The following PDSS2 variants were observed in gnomAD, a reference collection of about 807,000 sequenced individuals.
PDSS2 encodes decaprenyl diphosphate synthase subunit 2, also known as all trans-polyprenyl-diphosphate synthase PDSS2.
A neutral mutation model predicts 44.5 loss-of-function variants in PDSS2; 31 were observed. The observed-to-expected ratio is 0.70, with a 90% CI of 0.52 to 0.94. PDSS2 has a LOEUF of 0.94. Ranked by LOEUF, PDSS2 falls within the 40% of genes least tolerant of loss-of-function variation. The probability of loss-of-function intolerance (pLI) is 0.00; values close to 1 mark genes in which losing one functional copy is unlikely to be tolerated. For synonymous variants in PDSS2, 157 were observed against 180.3 expected (o/e 0.87, Z 1.03); for missense variants, 452 against 482.2 (o/e 0.94, Z 0.59).
In PDSS2 at chr6:107,343,620, C is replaced by T. The variant is rs1176420159; in HGVS notation, c.297-9288G>A. On this transcript the variant is annotated intron_variant, in intron 1 of 7. Transcript: ENST00000369037. ...GTTTACTTAATGACATGGGAAAATA[C>T]TAAAAATGTTAAATAAAAGAATACA... Among the ~76,000 whole-genome samples the T allele has an allele frequency of 3.9e-5, 6 of 152,026 alleles. No individual in the cohort carries two copies. The East Asian group carries it at 9.6e-4, about 24-fold the overall frequency.
intron 2 of PDSS2, among the ~76,000 whole-genome samples, chr6:107,316,383 G>A (rs534645592): frequency 6.6e-6 from 1 of 151,912 alleles, no homozygotes; most frequent in South Asian, 2.1e-4. Flanking sequence ...AGGACGGATT[G>A]GTTTAATTCT....
At chr6:107,365,863 T>C (rs1582996432) in intron 1 of PDSS2, among the ~76,000 whole-genome samples, 1 of 152,098 alleles carries the variant, frequency 6.6e-6, no homozygotes, top group Non-Finnish European at 1.5e-5. Flanking sequence ...TTTAAATGTA[T>C]ATATACCTAA....
chr6:107,247,352 C>T (rs1032353269), intron 3 of PDSS2, among the ~76,000 whole-genome samples: 9 of 152,178 alleles, frequency 5.9e-5, no homozygotes, highest in African/African-American at 2.2e-4. Flanking sequence ...CCAGAGTGTT[C>T]CTTTACTTCC....
intron 2 of PDSS2, among the ~76,000 whole-genome samples, chr6:107,283,797 C>T (rs753293079): frequency 2.8e-4 from 43 of 152,060 alleles, no homozygotes; most frequent in Middle Eastern, 3.4e-3. Flanking sequence ...CTTTGGGAGG[C>T]CAAGGCAGGC....
At chr6:107,205,299 T>C (rs1006304083) in intron 6 of PDSS2, among the ~76,000 whole-genome samples, 20 of 152,308 alleles carry the variant, frequency 1.3e-4, no homozygotes, top group African/African-American at 1.7e-4. Context: ...TTCAGTACTA[T>C]TAGGAATAGC....
intron 3 of PDSS2, among the ~76,000 whole-genome samples, chr6:107,252,639 G>T (rs373485464): frequency 3.9e-5 from 6 of 152,184 alleles, no homozygotes; most frequent in African/African-American, 1.4e-4. Flanking sequence ...GTATAAAATT[G>T]CAACTGAGGC....
At chr6:107,258,480 A>AG (rs1185633204) in intron 3 of PDSS2, among the ~76,000 whole-genome samples, 1 of 152,214 alleles carries the variant, frequency 6.6e-6, no homozygotes, top group East Asian at 1.9e-4. Flanking sequence ...AAAAAAAAAA[A>AG]AAGTTGCTTT....
intron 6 of PDSS2, among the ~76,000 whole-genome samples, chr6:107,200,568 T>C (rs1466578581): frequency 6.6e-6 from 1 of 152,212 alleles, no homozygotes; most frequent in Non-Finnish European, 1.5e-5. Context: ...AGAGAACAAC[T>C]ATGTAAACTC....
intron 4 of PDSS2, among the ~76,000 whole-genome samples, chr6:107,242,101 A>G (rs1774455799): frequency 6.6e-6 from 1 of 152,134 alleles, no homozygotes; most frequent in African/African-American, 2.4e-5. Flanking sequence ...AGCCATTGCA[A>G]TGGTAAGCAC....
At chr6:107,310,868 C>CA (rs1777021440) in intron 2 of PDSS2, among the ~76,000 whole-genome samples, 1 of 151,896 alleles carries the variant, frequency 6.6e-6, no homozygotes, top group Admixed American at 6.6e-5. Flanking sequence ...ACATTAAACT[C>CA]AGTCCATTAT....
chr6:107,307,155 C>T lies in PDSS2; in HGVS notation c.431+27043G>A, dbSNP rs1020423459. Reference sequence around the variant, plus strand: ...TTTAACAAATAACTAATAAAATGTACTTTAGAAGGATGTCCAAATGTGCAC... The same window carrying T: ...TTTAACAAATAACTAATAAAATGTATTTTAGAAGGATGTCCAAATGTGCAC... On this transcript the variant is annotated intron_variant, in intron 2 of 7. Coordinates refer to ENST00000369037, the MANE Select transcript of PDSS2 (RefSeq NM_020381.4). 2.0e-4 allele frequency among the ~76,000 whole-genome samples: 31 copies of T among 152,300 alleles called. No homozygotes were observed. In the Middle Eastern group the frequency reaches 0.017, roughly 84 times the overall value.
At chr6:107,278,763 A>T (rs1273586729) in intron 2 of PDSS2, among the ~76,000 whole-genome samples, 1 of 152,216 alleles carries the variant, frequency 6.6e-6, no homozygotes, top group Non-Finnish European at 1.5e-5. Flanking sequence ...TAAAAGTGAA[A>T]GCCCATCATT....
At chr6:107,289,121 C>A (rs547406059) in intron 2 of PDSS2, among the ~76,000 whole-genome samples, 1 of 150,616 alleles carries the variant, frequency 6.6e-6, no homozygotes. Context: ...ACCTGTAATA[C>A]CAGCATTTTG....
At chr6:107,372,276 C>T (rs1484117050) in intron 1 of PDSS2, among the ~76,000 whole-genome samples, 3 of 151,526 alleles carry the variant, frequency 2.0e-5, no homozygotes, top group South Asian at 2.1e-4. Context: ...TGTTGTACAC[C>T]GGTAGTTTAA....
At chr6:107,225,162 T>TATATATATATA (rs1491560664) in intron 4 of PDSS2, among the ~76,000 whole-genome samples, 4 of 31,428 alleles carry the variant, frequency 1.3e-4, no homozygotes, top group East Asian at 6.9e-4. Context: ...TATATATATA[T>TATATATATATA]TTTTTTTTTT....
intron 2 of PDSS2, among the ~76,000 whole-genome samples, chr6:107,305,888 A>G (rs1169010395): frequency 6.6e-6 from 1 of 152,202 alleles, no homozygotes; most frequent in African/African-American, 2.4e-5. Flanking sequence ...CCTTAACATT[A>G]TATTTAGACC....
Position 107,308,535 on chromosome 6 carries a change from T to C in PDSS2, c.431+25663A>G, listed in dbSNP as rs1243458596. 3.3e-5 allele frequency among the ~76,000 whole-genome samples: 5 copies of C among 152,244 alleles called. No homozygotes were observed. The East Asian group carries it at 9.6e-4, about 29-fold the overall frequency. ...AAATGAAAAGATTTAACAAGAAAATTATATAGTACATAAGTGTAAACTGAA... is the reference window on the plus strand; with the variant it reads ...AAATGAAAAGATTTAACAAGAAAATCATATAGTACATAAGTGTAAACTGAA... On this transcript the variant is annotated intron_variant, in intron 2 of 7. Coordinates refer to ENST00000369037, the MANE Select transcript of PDSS2 (RefSeq NM_020381.4).
At chr6:107,401,403 C>T (rs1026144902) in intron 1 of PDSS2, among the ~76,000 whole-genome samples, 8 of 151,804 alleles carry the variant, frequency 5.3e-5, no homozygotes, top group African/African-American at 1.7e-4. Flanking sequence ...CATAGACACA[C>T]CCTCAAAAGA....
At chr6:107,356,777 T>C (rs1042009431) in intron 1 of PDSS2, among the ~76,000 whole-genome samples, 7 of 152,192 alleles carry the variant, frequency 4.6e-5, no homozygotes, top group Non-Finnish European at 1.0e-4. Context: ...AGTTAAATAA[T>C]CTCAGAAAAT....
Sources: allele counts gnomAD v4.1 joint callset (sites outside exome capture counted in the v4.1 genomes callset), GRCh38; gene constraint gnomAD v4.1.1; transcripts MANE v1.5; gene names NCBI Gene and HGNC (gene_info 2026-07-23, HGNC 2026-07-21).